Variants in SPAG16 observed in about 807,000 individuals in gnomAD.
SPAG16 encodes the protein sperm associated antigen 16, also known as sperm-associated antigen 16 protein.
A neutral mutation model predicts 80.4 loss-of-function variants in SPAG16; 86 were observed. The observed-to-expected ratio is 1.07, with a 90% CI of 0.90 to 1.28. The LOEUF (loss-of-function observed/expected upper bound fraction) is 1.28, where lower values mean the gene tolerates loss of function less well. SPAG16 is among the 50% of genes most tolerant of loss of function. The probability of loss-of-function intolerance (pLI) is 0.00; values close to 1 mark genes in which losing one functional copy is unlikely to be tolerated. For missense variants in SPAG16, 870 were observed against 765.3 expected (o/e 1.14, Z -1.61); for synonymous variants, 294 against 265.9 (o/e 1.11, Z -1.03).
chr2:213,837,105 C>T (rs541254554), intron 10 of SPAG16, among the ~76,000 whole-genome samples: 1 of 152,274 alleles, frequency 6.6e-6, no homozygotes, highest in South Asian at 2.1e-4. Flanking sequence ...TTTCTTTTAT[C>T]ATCCTGAAGA....
intron 10 of SPAG16, among the ~76,000 whole-genome samples, chr2:213,689,996 G>A (rs1182708778): frequency 6.6e-6 from 1 of 151,982 alleles, no homozygotes; most frequent in Non-Finnish European, 1.5e-5. Context: ...TAAATCTAGT[G>A]TTTATTTTTG....
intron 10 of SPAG16, among the ~76,000 whole-genome samples, chr2:213,532,683 G>A (rs1649298765): frequency 6.6e-6 from 1 of 150,558 alleles, no homozygotes; most frequent in African/African-American, 2.5e-5. Flanking sequence ...GGCTGATCTC[G>A]AACTCCTGAC....
intron 11 of SPAG16, among the ~76,000 whole-genome samples, chr2:213,885,638 C>A (rs1283931421): frequency 1.6e-4 from 24 of 152,078 alleles, no homozygotes; most frequent in Admixed American, 1.6e-3. Flanking sequence ...GCCATGAGGT[C>A]TTTGTGTGAT....
intron 11 of SPAG16, among the ~76,000 whole-genome samples, chr2:213,921,747 A>G (rs1254978737): frequency 6.6e-6 from 1 of 152,164 alleles, no homozygotes; most frequent in Non-Finnish European, 1.5e-5. Context: ...TTCATTCAGC[A>G]TTTGCTTGTT....
At chr2:213,977,420 T>C (rs1295536388) in intron 12 of SPAG16, among the ~76,000 whole-genome samples, 1 of 150,894 alleles carries the variant, frequency 6.6e-6, no homozygotes, top group Non-Finnish European at 1.5e-5. Context: ...TATCTAGAGA[T>C]AGAGGCAGGT....
At chr2:213,793,732 A>G (rs2070846156) in intron 10 of SPAG16, among the ~76,000 whole-genome samples, 3 of 152,232 alleles carry the variant, frequency 2.0e-5, no homozygotes, top group South Asian at 4.1e-4. Flanking sequence ...AATCTCAGAG[A>G]CAAGGTAATG....
intron 15 of SPAG16, among the ~76,000 whole-genome samples, chr2:214,248,994 TAGTATGGC>T (rs950922126): frequency 4.9e-4 from 74 of 152,212 alleles, no homozygotes; most frequent in African/African-American, 1.8e-3. Flanking sequence ...AACAAAAGAC[TAGTATGGC>T]AGAGAAAGCA....
intron 9 of SPAG16, among the ~76,000 whole-genome samples, chr2:213,448,897 CAG>C (rs778697408): frequency 9.2e-5 from 14 of 152,008 alleles, no homozygotes; most frequent in Non-Finnish European, 2.1e-4. Context: ...AACAGAATAA[CAG>C]AGATTTTTAT....
intron 15 of SPAG16, among the ~76,000 whole-genome samples, chr2:214,391,445 T>C (rs1460650929): frequency 1.3e-5 from 2 of 152,168 alleles, no homozygotes; most frequent in Non-Finnish European, 2.9e-5. Flanking sequence ...GAATAAAATA[T>C]AAATGGGAAA....
At chr2:213,739,596 C>T (rs2067447228) in intron 10 of SPAG16, among the ~76,000 whole-genome samples, 1 of 152,114 alleles carries the variant, frequency 6.6e-6, no homozygotes, top group African/African-American at 2.4e-5. Flanking sequence ...TTTAAAATCT[C>T]TGCTTTTTCT....
At chr2:214,042,877 T>A (rs2049112367) in intron 13 of SPAG16, among the ~76,000 whole-genome samples, 2 of 152,290 alleles carry the variant, frequency 1.3e-5, no homozygotes, top group Non-Finnish European at 2.9e-5. Context: ...CATTTTTACT[T>A]TGTTAGTATA....
intron 11 of SPAG16, among the ~76,000 whole-genome samples, chr2:213,918,830 G>A (rs1002779793): frequency 2.6e-5 from 4 of 151,910 alleles, no homozygotes; most frequent in Non-Finnish European, 4.4e-5. Context: ...GTCTGTGCAG[G>A]GATTCATTTT....
At chr2:213,796,128 G>A (rs892071871) in intron 10 of SPAG16, among the ~76,000 whole-genome samples, 38 of 152,026 alleles carry the variant, frequency 2.5e-4, no homozygotes, top group African/African-American at 8.4e-4. Flanking sequence ...CAGATCTTTC[G>A]TGGGATTCTC....
intron 13 of SPAG16, among the ~76,000 whole-genome samples, chr2:214,078,603 A>C (rs570814025): frequency 6.6e-6 from 1 of 151,938 alleles, no homozygotes; most frequent in African/African-American, 2.4e-5. Flanking sequence ...TGCAATTATC[A>C]ATGCTTTTAT....
chr2:213,860,451 A>ATATATATT (rs2075392179), intron 10 of SPAG16, among the ~76,000 whole-genome samples: 1 of 124,046 alleles, frequency 8.1e-6, no homozygotes, highest in South Asian at 2.9e-4. Flanking sequence ...AGATATATGT[A>ATATATATT]TATATATACA....
At chr2:213,633,703 C>G (rs957650182) in intron 10 of SPAG16, among the ~76,000 whole-genome samples, 1 of 152,020 alleles carries the variant, frequency 6.6e-6, no homozygotes, top group Non-Finnish European at 1.5e-5. Context: ...TTTGGGTGCT[C>G]CACTGTTGGG....
chr2:213,572,399 T>C (rs1458498289), intron 10 of SPAG16, among the ~76,000 whole-genome samples: 30 of 128,082 alleles, frequency 2.3e-4, no homozygotes, highest in African/African-American at 7.8e-4. Context: ...ATGATGGTGA[T>C]GTACAGATGG....
intron 10 of SPAG16, among the ~76,000 whole-genome samples, chr2:213,671,066 A>AT (rs1207761698): frequency 1.3e-5 from 2 of 152,194 alleles, no homozygotes; most frequent in Non-Finnish European, 2.9e-5. Flanking sequence ...TTCCCAGATT[A>AT]TTTTCAAACT....
chr2:213,798,372 G>C (rs2071174025), intron 10 of SPAG16, among the ~76,000 whole-genome samples: 1 of 152,044 alleles, frequency 6.6e-6, no homozygotes. Flanking sequence ...TCCTGCCTCA[G>C]CCTCGCTAGT....
Sources: allele counts gnomAD v4.1 joint callset (sites outside exome capture counted in the v4.1 genomes callset), GRCh38; gene constraint gnomAD v4.1.1; transcripts MANE v1.5; gene names NCBI Gene and HGNC (gene_info 2026-07-23, HGNC 2026-07-21).